The following UCP3 variants were observed in gnomAD, a reference collection of about 807,000 sequenced individuals.
UCP3 encodes putative mitochondrial transporter UCP3.
In UCP3, 24 loss-of-function variants were observed where a neutral mutation model predicts 28.1. That is an observed-to-expected ratio of 0.85 (90% CI 0.62 to 1.20). The LOEUF is 1.20. Ranked by LOEUF, UCP3 falls within the 50% of genes most tolerant of loss-of-function variation. The probability of loss-of-function intolerance (pLI) is 0.00; values close to 1 mark genes in which losing one functional copy is unlikely to be tolerated. For synonymous variants in UCP3, 184 were observed against 171.2 expected, an observed-to-expected ratio of 1.07 and a Z score of -0.59; for missense variants, 397 against 422.2, an observed-to-expected ratio of 0.94 and a Z score of 0.52.
intron 5 of UCP3, 36 bp downstream of exon 5, chr11:74,004,448 G>A (rs964578511): frequency 5.0e-6 from 8 of 1,599,206 alleles, no homozygotes; most frequent in African/African-American, 2.7e-5. Flanking sequence ...CCTCCCTGCT[G>A]AGGGAGAGCT....
chr11:74,003,141 G>A (rs576965964), intron 6 of UCP3, among the ~76,000 whole-genome samples: 1 of 152,350 alleles, frequency 6.6e-6, no homozygotes, highest in East Asian at 1.9e-4. Context: ...CTTAGCTATT[G>A]TGATAATCAT....
chr11:74,005,649 C>T, intron 4 of UCP3, 81 bp downstream of exon 4: 1 of 1,519,328 alleles, frequency 6.6e-7, no homozygotes, highest in Non-Finnish European at 9.1e-7. Flanking sequence ...TGGGAGTCCC[C>T]TCCTTACTGG....
chr11:74,005,309 G>GT (rs1179223846), intron 4 of UCP3, among the ~76,000 whole-genome samples: 1 of 152,050 alleles, frequency 6.6e-6, no homozygotes, highest in Non-Finnish European at 1.5e-5. Context: ...CTGCTTGAGG[G>GT]CCCCTCCCCT....
At chr11:74,006,848 T>G in intron 2 of UCP3, 69 bp downstream of exon 2, 2 of 1,611,764 alleles carry the variant, frequency 1.2e-6, no homozygotes, top group Non-Finnish European at 1.7e-6. Context: ...GCACACGTCA[T>G]GGGGGATATG....
chr11:74,004,919 A>G (rs535601404), intron 4 of UCP3, among the ~76,000 whole-genome samples: 42 of 152,342 alleles, frequency 2.8e-4, no homozygotes, highest in African/African-American at 9.4e-4. Flanking sequence ...GCCAGAAAAG[A>G]AAGTCATTCA....
intron 4 of UCP3, 94 bp downstream of exon 4, chr11:74,005,636 T>C (rs1168142417): frequency 2.9e-6 from 4 of 1,387,040 alleles, no homozygotes; most frequent in Non-Finnish European, 3.0e-6. Flanking sequence ...GAACACGCCA[T>C]GCTGGGAGTC....
At chr11:74,007,571 A>G (rs1951676654) in intron 1 of UCP3, among the ~76,000 whole-genome samples, 1 of 152,130 alleles carries the variant, frequency 6.6e-6, no homozygotes. Context: ...AGCTGGGACT[A>G]CAGGTGTGCA....
At chr11:74,007,684 GA>G (rs1367163031) in intron 1 of UCP3, among the ~76,000 whole-genome samples, 1 of 152,150 alleles carries the variant, frequency 6.6e-6, no homozygotes, top group Non-Finnish European at 1.5e-5. Context: ...CACTTGACAA[GA>G]GGGGCAGTTC....
rs1951619646 is a variant in UCP3, at chr11:74,001,269, T to G, written c.*143A>C. ...ACCAGAATCCCTCCTCCTCTTCTACTTCTGTTTCTTGAATCAGCAACAAGT... is the reference window on the plus strand; with the variant it reads ...ACCAGAATCCCTCCTCCTCTTCTACGTCTGTTTCTTGAATCAGCAACAAGT... On this transcript the variant is annotated 3_prime_UTR_variant, in exon 7 of 7. Coordinates refer to ENST00000314032, the MANE Select transcript of UCP3 (RefSeq NM_003356.4). 1 of 773,732 alleles carries G rather than the reference T, an allele frequency of 1.3e-6. No individual in the cohort carries two copies. The highest frequency in any genetic ancestry group is 2.1e-6 in the Non-Finnish European group (1 of 467,428). The allele number at this position is 773,732 out of a possible 1,614,324, so 47.9% of individuals were successfully genotyped here.
intron 2 of UCP3, 21 bp from the exon 3 acceptor site, chr11:74,006,400 G>A (rs371086941): frequency 1.3e-5 from 20 of 1,527,730 alleles, no homozygotes; most frequent in African/African-American, 2.7e-5. Flanking sequence ...ATAGCAGGGG[G>A]TGAGGACTCA....
chr11:74,001,832 C>T, intron 6 of UCP3: 1 of 367,940 alleles, frequency 2.7e-6, no homozygotes, highest in Non-Finnish European at 5.1e-6. Context: ...AAACTGAGGC[C>T]CAGGGAGGTT....
In UCP3 at chr11:74,006,203, G is replaced by T. The variant is rs138003678; in HGVS notation, c.303C>A (p.Ser101=). The T allele has an allele frequency of 5.6e-6, 9 of 1,614,040 alleles. No individual in the cohort carries two copies. Among genetic ancestry groups the T allele is most frequent in the South Asian group, 1.1e-5 (1 of 91,088 alleles). The change falls in exon 3 of 7, where the codon TCC becomes TCA. Residue 101 remains serine, a synonymous_variant. Coordinates refer to ENST00000314032, the MANE Select transcript of UCP3 (RefSeq NM_003356.4). The part of the protein sequence containing the change: ...FASIRIGLYD[S]VKQVYTPKGA... ...CTTTGGGGGTGTACACCTGCTTGAC[G>T]GAGTCATAGAGGCCGATGCGGATGG...
chr11:74,008,754 C>T (rs925311607), intron 1 of UCP3, among the ~76,000 whole-genome samples: 9 of 152,292 alleles, frequency 5.9e-5, no homozygotes, highest in South Asian at 2.1e-4. Flanking sequence ...GTGAGTGACA[C>T]GGGTGTTGGG....
rs557278000 is a variant in UCP3 at position 74,007,436 on chromosome 11, CCTT to C, written c.-95-302_-95-300del. 4.2e-3 allele frequency: 824 copies of C among 196,260 alleles called. 9 individuals carry two copies. The Middle Eastern group carries it at 0.042, about 10-fold the overall frequency. The allele number at this position is 196,260 out of a possible 1,614,324, so 12.2% of individuals were successfully genotyped here. A position where few individuals can be genotyped will look rare whatever the true frequency, so the allele number is the denominator to read the frequency against. ...TGTTCTCCCCAATATCAAACTGCCT[CCTT>C]TTTTTTTTTGAGACAGGGTCTCACT... On this transcript the variant is annotated intron_variant, in intron 1 of 6. Coordinates refer to ENST00000314032, the MANE Select transcript of UCP3 (RefSeq NM_003356.4).
intron 2 of UCP3, among the ~76,000 whole-genome samples, 178 bp from the exon 3 acceptor site, chr11:74,006,557 A>G (rs1951668990): frequency 6.6e-6 from 1 of 152,244 alleles, no homozygotes; most frequent in African/African-American, 2.4e-5. Flanking sequence ...AGTATTATAC[A>G]CATGGCTTGG....
In UCP3 at chr11:74,006,354, T is replaced by C. The variant is rs1951667101; in HGVS notation, c.152A>G (p.Gln51Arg). Residue 51 changes from glutamine to arginine, a missense_variant, in exon 3 of 7, where the codon CAG becomes CGG. Gln to Arg is a conservative substitution (Grantham distance 43). Coordinates refer to ENST00000314032, the MANE Select transcript of UCP3 (RefSeq NM_003356.4). ...LQIQGENQAV[Q>R]TARLVQYRGV... is the part of the protein sequence containing the mutation. ...ACGGTACTGCACGAGCCGGGCCGTC[T>C]GGACCGCCTGGTTCTCCCCCTGGAT... The C allele has an allele frequency of 6.3e-7, 1 of 1,580,754 alleles. No homozygotes were observed. The highest frequency in any genetic ancestry group is 8.6e-7 in the Non-Finnish European group (1 of 1,165,718).
In UCP3 at chr11:74,003,451, C is replaced by G. The variant is rs956496834; in HGVS notation, c.824+376G>C. The G allele has an allele frequency of 1.8e-5, 18 of 997,134 alleles. No individual in the cohort carries two copies. The African/African-American group carries it at 3.0e-4, about 16-fold the overall frequency. 61.8% of individuals were successfully genotyped at this position (997,134 alleles called of 1,614,324 possible). A position where few individuals can be genotyped will look rare whatever the true frequency, so the allele number is the denominator to read the frequency against. On this transcript the variant is annotated intron_variant, in intron 6 of 6. Transcript: ENST00000314032. ...CCTGTAGATGATGAGGCATTCCACG[C>G]AGAGGGAGCAGTAAGTGCAAGAAAA...
Position 74,005,822 on chromosome 11 carries a change from A to G in UCP3, c.449T>C (p.Leu150Pro). ...VKVRFQASIH[L>P]GPSRSDRKYS... ...TTTTCTGTCGCTCCTGGATGGCCCG[A>G]GGTGTATGCTGGCCTGAAATCGGAC... The change falls in exon 4 of 7, where the codon CTC becomes CCC. Residue 150 changes from leucine to proline, a missense_variant. Transcript: ENST00000314032. The G allele has an allele frequency of 1.2e-6, 2 of 1,614,030 alleles. No homozygotes were observed. Among genetic ancestry groups the G allele is most frequent in the Non-Finnish European group, 1.7e-6 (2 of 1,180,000 alleles).
At chr11:74,001,836 G>A (rs1187461601) in intron 6 of UCP3, 3 of 363,770 alleles carry the variant, frequency 8.2e-6, no homozygotes, top group Non-Finnish European at 1.6e-5. Flanking sequence ...TGAGGCCCAG[G>A]GAGGTTAAGA....
Sources: gnomAD v4.1 joint callset for allele counts (sites outside exome capture counted in the v4.1 genomes callset) on GRCh38, gnomAD v4.1.1 for gene constraint, MANE v1.5 for transcripts, NCBI Gene and HGNC (gene_info 2026-07-23, HGNC 2026-07-21) for gene names.